MTF1: variants seen among roughly 807,000 people sequenced by gnomAD.
The protein encoded by MTF1 is MRE-binding transcription factor.
Under a neutral mutation model 70.4 loss-of-function variants are expected in MTF1, and 22 were observed. That is an observed-to-expected ratio of 0.31 (90% confidence interval 0.22 to 0.45). The LOEUF (loss-of-function observed/expected upper bound fraction) is 0.45. MTF1 is among the 20% of genes least tolerant of loss of function. The probability of loss-of-function intolerance (pLI) is 1.00; values close to 1 mark genes in which losing one functional copy is unlikely to be tolerated. For synonymous variants in MTF1, 333 were observed against 352.8 expected (o/e 0.94, Z 0.63); for missense variants, 649 against 922.0 (o/e 0.70, Z 3.83).
intron 5 of MTF1, among the ~76,000 whole-genome samples, 162 bp downstream of exon 5, chr1:37,835,509 C>T (rs1031675807): frequency 1.3e-5 from 2 of 151,922 alleles, no homozygotes; most frequent in Non-Finnish European, 2.9e-5. Context: ...ACCTGAGGTC[C>T]GCCTCTGAAA....
intron 7 of MTF1, among the ~76,000 whole-genome samples, chr1:37,824,013 T>C (rs1233399738): frequency 1.3e-5 from 2 of 152,194 alleles, no homozygotes; most frequent in African/African-American, 2.4e-5. Flanking sequence ...TATTTTTATT[T>C]ATTTATTTTT....
At position 37,813,873 on chromosome 1, in the gene MTF1, T is replaced by C. The variant is rs1351156220; in HGVS notation, c.*1263A>G. 6.5e-6 allele frequency: 1 copy of C among 152,680 alleles called. No individual in the cohort carries two copies. The highest frequency in any genetic ancestry group is 1.5e-5 in the Non-Finnish European group (1 of 68,048). The allele number at this position is 152,680 out of a possible 1,614,324, so 9.5% of individuals were successfully genotyped here. ...AACACACACACACAATTTTTTCCTA[T>C]AACACAACTTAATGAAACATTCCAA... On this transcript the variant is annotated 3_prime_UTR_variant, in exon 11 of 11. Transcript: ENST00000373036.
chr1:37,852,773 G>A (rs1321045789), intron 2 of MTF1, among the ~76,000 whole-genome samples: 1 of 152,076 alleles, frequency 6.6e-6, no homozygotes, highest in African/African-American at 2.4e-5. Flanking sequence ...TGGGACTACA[G>A]GCATGCACCA....
At chr1:37,856,170 C>CTTTT (rs869062644) in intron 2 of MTF1, among the ~76,000 whole-genome samples, 59 of 74,190 alleles carry the variant, frequency 8.0e-4, no homozygotes, top group African/African-American at 9.8e-4. Context: ...CCTGAATTTC[C>CTTTT]TTTTTTTTTT....
At chr1:37,816,401 G>C (rs771678196) in intron 10 of MTF1, among the ~76,000 whole-genome samples, 2 of 152,110 alleles carry the variant, frequency 1.3e-5, no homozygotes, top group African/African-American at 2.4e-5. Flanking sequence ...TAGGCCGGGC[G>C]TGGTGGCTCA....
chr1:37,856,170 C>CT (rs869062644), intron 2 of MTF1, among the ~76,000 whole-genome samples: 2,356 of 74,184 alleles, frequency 0.032, 20 homozygotes, highest in African/African-American at 0.051. Context: ...CCTGAATTTC[C>CT]TTTTTTTTTT....
intron 7 of MTF1, among the ~76,000 whole-genome samples, chr1:37,828,487 T>C (rs1475959377): frequency 1.3e-5 from 2 of 152,290 alleles, no homozygotes; most frequent in East Asian, 3.9e-4. Context: ...GTATTTTTAG[T>C]AGAGACGGAG....
intron 3 of MTF1, 41 bp from the exon 4 acceptor site, chr1:37,838,797 C>CTCTT: frequency 8.4e-6 from 4 of 473,680 alleles, no homozygotes; most frequent in Non-Finnish European, 1.1e-5. Context: ...TCATAAAATT[C>CTCTT]TTTTTTTTTT....
intron 4 of MTF1, among the ~76,000 whole-genome samples, chr1:37,837,611 T>C (rs928085832): frequency 6.6e-6 from 1 of 152,188 alleles, no homozygotes; most frequent in Non-Finnish European, 1.5e-5. Context: ...GTTCCAGCAA[T>C]TCTCCTGCCT....
intron 2 of MTF1, among the ~76,000 whole-genome samples, chr1:37,845,473 T>TG (rs1641318243): frequency 6.6e-6 from 1 of 152,008 alleles, no homozygotes; most frequent in African/African-American, 2.4e-5. Context: ...GGACACAGAT[T>TG]GGGGAAAGTA....
rs758842303 is a variant in MTF1, at chr1:37,857,559, C to T, written c.100G>A (p.Gly34Arg). The change falls in exon 2 of 11, where the codon GGA becomes AGA. Residue 34 changes from glycine (G) to arginine (R), a missense_variant. By Grantham distance (125) the Gly-to-Arg change is moderately radical. Transcript: ENST00000373036. ...DKMLRFVDKNGLVPSSSGTVY... is the reference protein window; with the variant it reads ...DKMLRFVDKNRLVPSSSGTVY... ...GTTCCAGATGAGGAAGGCACCAGTC[C>T]GTTTTTATCCACAAACCTGAGCATT... 1.1e-5 allele frequency: 17 copies of T among 1,614,070 alleles called. No homozygotes were observed. The highest frequency in any genetic ancestry group is 5.0e-5 in the Admixed American group (3 of 59,998).
intron 7 of MTF1, among the ~76,000 whole-genome samples, chr1:37,824,052 C>G (rs1640963841): frequency 6.6e-6 from 1 of 151,958 alleles, no homozygotes; most frequent in Non-Finnish European, 1.5e-5. Context: ...ACTACGTTGC[C>G]CAGGCTGGTC....
At chr1:37,850,775 A>C (rs1355348850) in intron 2 of MTF1, among the ~76,000 whole-genome samples, 1 of 152,184 alleles carries the variant, frequency 6.6e-6, no homozygotes. Context: ...GTAATAGGTA[A>C]GCCAACTCCA....
At chr1:37,828,152 T>A in intron 7 of MTF1, 1 of 411,706 alleles carries the variant, frequency 2.4e-6, no homozygotes, top group Admixed American at 3.3e-5. Flanking sequence ...AACAAGTATA[T>A]GATTCCAATC....
At chr1:37,826,887 G>A (rs1641010626) in intron 7 of MTF1, among the ~76,000 whole-genome samples, 1 of 152,128 alleles carries the variant, frequency 6.6e-6, no homozygotes, top group Non-Finnish European at 1.5e-5. Context: ...GCTGAGGCAG[G>A]AGAATTACTT....
chr1:37,840,126 A>G lies in MTF1; in HGVS notation c.441T>C (p.Cys147=). The stretch of plus-strand genomic sequence containing the variant: ...TGCCTGCTGTGCTGTAGGTGCGGGG[A>G]CAGCCCTCAAAGGTACATTGGTACC... ...VKRYQCTFEG[C]PRTYSTAGNL... The change falls in exon 3 of 11, where the codon TGT becomes TGC. Residue 147 remains cysteine, a synonymous_variant. Transcript: ENST00000373036. This position sits in a 1 kb window ranked among gnomAD's most constrained non-coding sequence, Gnocchi z 4.5. 3 of 1,614,168 alleles carry G rather than the reference A, an allele frequency of 1.9e-6. No individual in the cohort carries two copies. The highest frequency in any genetic ancestry group is 2.5e-6 in the Non-Finnish European group (3 of 1,180,048).
At chr1:37,856,499 C>CTT (rs35260301) in intron 2 of MTF1, among the ~76,000 whole-genome samples, 91 of 122,664 alleles carry the variant, frequency 7.4e-4, no homozygotes, top group Middle Eastern at 4.9e-3. Flanking sequence ...GAATTTCTTT[C>CTT]TTTTTTTTTT....
Position 37,818,630 on chromosome 1 carries a change from G to A in MTF1, c.1768-1148C>T, listed in dbSNP as rs184838073. On this transcript the variant is annotated intron_variant, in intron 9 of 10. Coordinates refer to ENST00000373036, the MANE Select transcript of MTF1 (RefSeq NM_005955.3). ...GAGGCAGGAGAATGGTGTGAACCCG[G>A]GTGGTGGAGCTTGCAGTGAGCCGAG... is the stretch of plus-strand genomic sequence containing the variant. Among the ~76,000 whole-genome samples the A allele has an allele frequency of 6.0e-3, 914 of 151,678 alleles. 5 individuals carry two copies. The highest frequency in any genetic ancestry group is 0.021 in the African/African-American group (859 of 41,284).
intron 9 of MTF1, among the ~76,000 whole-genome samples, chr1:37,820,504 T>G (rs950221121): frequency 6.6e-6 from 1 of 152,238 alleles, no homozygotes; most frequent in African/African-American, 2.4e-5. Context: ...TTGGGAAAAT[T>G]AGACCTACCT....
Sources: allele counts gnomAD v4.1 joint callset (sites outside exome capture counted in the v4.1 genomes callset), GRCh38; gene constraint gnomAD v4.1.1; non-coding constraint Gnocchi (gnomAD v3.1); transcripts MANE v1.5; gene names NCBI Gene and HGNC (gene_info 2026-07-23, HGNC 2026-07-21).